The following ERC2 variants were observed in gnomAD, a reference collection of about 807,000 sequenced individuals.
The protein encoded by ERC2 is ELKS/RAB6-interacting/CAST family member 2.
In ERC2, 42 loss-of-function variants were observed where a neutral mutation model predicts 114.8. The ratio of observed to expected loss-of-function variants is 0.37; its 90% confidence interval spans 0.29 to 0.47. ERC2 has a LOEUF of 0.47. ERC2 is among the 20% of genes least tolerant of loss of function. ERC2 has a pLI of 0.99. For missense variants in ERC2, 939 were observed against 1,150.7 expected (o/e 0.82, Z 2.66); for synonymous variants, 454 against 425.5 (o/e 1.07, Z -0.82).
intron 5 of ERC2, among the ~76,000 whole-genome samples, chr3:56,141,436 C>A (rs1341986236): frequency 6.6e-6 from 1 of 152,194 alleles, no homozygotes; most frequent in African/African-American, 2.4e-5. Flanking sequence ...CACCCTGTGA[C>A]CACCATGGTG....
At chr3:55,763,740 C>G (rs550631746) in intron 14 of ERC2, among the ~76,000 whole-genome samples, 5 of 152,112 alleles carry the variant, frequency 3.3e-5, no homozygotes, top group Non-Finnish European at 5.9e-5. Context: ...AAGCCCATTA[C>G]GAAAATTTAA....
At chr3:56,155,173 C>A (rs771519773) in intron 4 of ERC2, among the ~76,000 whole-genome samples, 6 of 152,080 alleles carry the variant, frequency 3.9e-5, no homozygotes, top group African/African-American at 1.4e-4. Flanking sequence ...TTCGCAACAT[C>A]CCCATGGTTT....
chr3:55,532,307 AG>A (rs1337038275), intron 17 of ERC2, among the ~76,000 whole-genome samples: 1 of 152,194 alleles, frequency 6.6e-6, no homozygotes, highest in African/African-American at 2.4e-5. Flanking sequence ...CCAGCTATAT[AG>A]GTCTCTTCCT....
chr3:56,122,970 C>A (rs567787579), intron 6 of ERC2, among the ~76,000 whole-genome samples: 1 of 152,232 alleles, frequency 6.6e-6, no homozygotes, highest in South Asian at 2.1e-4. Flanking sequence ...GTTCAACCAC[C>A]CCAAGAAAAC....
At position 56,096,384 on chromosome 3, in the gene ERC2, T is replaced by C. The variant is rs982775835; in HGVS notation, c.1474-15400A>G. ...CAGGGTGAGTTCTTGTTCTCCATTTTAGAAGGCCCAGAGCCACATGGCTTT... is the reference window on the plus strand; with the variant it reads ...CAGGGTGAGTTCTTGTTCTCCATTTCAGAAGGCCCAGAGCCACATGGCTTT... On this transcript the variant is annotated intron_variant, in intron 6 of 17. Coordinates refer to ENST00000288221, the MANE Select transcript of ERC2 (RefSeq NM_015576.3). Among the ~76,000 whole-genome samples, 6 of 152,154 alleles carry C rather than the reference T, an allele frequency of 3.9e-5. No homozygotes were observed. In the South Asian group the frequency reaches 8.3e-4, roughly 21 times the overall value.
chr3:56,175,645 A>T lies in ERC2; in HGVS notation c.1075-2125T>A, dbSNP rs887560254. ...TGAGTACAGTAGGCTGCTGGAAATT[A>T]AAAAACCTGCACCCCCATGGCCAAT... On this transcript the variant is annotated intron_variant, in intron 3 of 17. Coordinates refer to ENST00000288221, the MANE Select transcript of ERC2 (RefSeq NM_015576.3). Among the ~76,000 whole-genome samples, 6 of 152,118 alleles carry T rather than the reference A, an allele frequency of 3.9e-5. No homozygotes were observed. The East Asian group carries it at 7.7e-4, about 20-fold the overall frequency.
At chr3:56,258,748 A>C (rs2052700707) in intron 3 of ERC2, among the ~76,000 whole-genome samples, 1 of 152,190 alleles carries the variant, frequency 6.6e-6, no homozygotes, top group African/African-American at 2.4e-5. Context: ...GCCAACCCTG[A>C]TATAAACTGG....
intron 13 of ERC2, among the ~76,000 whole-genome samples, chr3:55,948,854 T>C (rs544751540): frequency 1.7e-4 from 26 of 152,302 alleles, no homozygotes; most frequent in African/African-American, 6.3e-4. Context: ...AAACAAATCG[T>C]TTTTAATGTT....
At chr3:55,525,612 G>T (rs1302663562) in intron 17 of ERC2, among the ~76,000 whole-genome samples, 1 of 152,192 alleles carries the variant, frequency 6.6e-6, no homozygotes, top group Non-Finnish European at 1.5e-5. Flanking sequence ...CCAGGCCAAA[G>T]CTGACCCAGT....
At chr3:56,175,343 A>AT (rs1045342017) in intron 3 of ERC2, among the ~76,000 whole-genome samples, 11 of 152,152 alleles carry the variant, frequency 7.2e-5, no homozygotes, top group Non-Finnish European at 1.2e-4. Context: ...CAGTCAGGAT[A>AT]TTTTTTCCCC....
chr3:56,079,044 G>A (rs546943376), intron 7 of ERC2, among the ~76,000 whole-genome samples: 1 of 152,138 alleles, frequency 6.6e-6, no homozygotes, highest in Admixed American at 6.5e-5. Flanking sequence ...ACAGAGACCT[G>A]AAAGAAGCAA....
chr3:55,791,480 G>A (rs1172075264), intron 14 of ERC2, among the ~76,000 whole-genome samples: 1 of 152,064 alleles, frequency 6.6e-6, no homozygotes, highest in Admixed American at 6.6e-5. Flanking sequence ...TTTCCACTTT[G>A]TTTTTGTCCT....
rs112643494 is a variant in ERC2, at chr3:55,808,744, A to T, written c.2565-73826T>A. ...ATATATATATATATATATATATATA[A>T]CGTATAACTAAACATATATATATAT... On this transcript the variant is annotated intron_variant, in intron 14 of 17. Transcript: ENST00000288221. Among the ~76,000 whole-genome samples the T allele has an allele frequency of 9.2e-4, 79 of 85,678 alleles. 1 individual carries two copies. Among genetic ancestry groups the T allele is most frequent in the African/African-American group, 2.0e-3 (40 of 19,966 alleles). The allele number at this position is 85,678 out of a possible 152,430, so 56.2% of individuals were successfully genotyped here. A position where few individuals can be genotyped will look rare whatever the true frequency, so the allele number is the denominator to read the frequency against.
At chr3:56,463,169 A>C (rs1293300794) in intron 1 of ERC2, among the ~76,000 whole-genome samples, 1 of 152,190 alleles carries the variant, frequency 6.6e-6, no homozygotes, top group Non-Finnish European at 1.5e-5. Flanking sequence ...TCAAGGCTGC[A>C]GTGAGCTGAG....
At position 55,952,173 on chromosome 3, in the gene ERC2, ACACACACTCTCTCT is replaced by A. The variant is rs1350093353; in HGVS notation, c.2268-1627_2268-1614del. Among the ~76,000 whole-genome samples, 126 of 56,054 alleles carry A rather than the reference ACACACACTCTCTCT, an allele frequency of 2.2e-3. 1 individual carries two copies. Among genetic ancestry groups the A allele is most frequent in the Admixed American group, 8.8e-3 (46 of 5,240 alleles). 36.8% of individuals were successfully genotyped at this position (56,054 alleles called of 152,430 possible). On this transcript the variant is annotated intron_variant, in intron 12 of 17. Coordinates refer to ENST00000288221, the MANE Select transcript of ERC2 (RefSeq NM_015576.3). ...CACACACACACACACACACACACAC[ACACACACTCTCTCT>A]CTCTCTCTCTCTATATATATATATA...
At chr3:56,452,160 T>G (rs138974921) in intron 1 of ERC2, among the ~76,000 whole-genome samples, 1 of 152,334 alleles carries the variant, frequency 6.6e-6, no homozygotes, top group East Asian at 1.9e-4. Context: ...ACCATGCCCA[T>G]TGACTTTGAA....
At chr3:56,324,239 G>C (rs2057255772) in intron 2 of ERC2, among the ~76,000 whole-genome samples, 1 of 152,146 alleles carries the variant, frequency 6.6e-6, no homozygotes, top group African/African-American at 2.4e-5. Flanking sequence ...GTGACAGAGG[G>C]AGCTGGCTTT....
At chr3:56,360,249 C>A (rs917668187) in intron 2 of ERC2, among the ~76,000 whole-genome samples, 2 of 151,778 alleles carry the variant, frequency 1.3e-5, no homozygotes, top group Non-Finnish European at 1.5e-5. Flanking sequence ...TGGGGTTTCA[C>A]CGTCTTGATC....
chr3:55,692,718 T>C (rs989025036), intron 16 of ERC2, among the ~76,000 whole-genome samples: 2 of 152,198 alleles, frequency 1.3e-5, no homozygotes, highest in African/African-American at 4.8e-5. Flanking sequence ...CTGCAGCCTC[T>C]CTGAAGCAGA....
Sources: allele counts gnomAD v4.1 joint callset (sites outside exome capture counted in the v4.1 genomes callset), GRCh38; gene constraint gnomAD v4.1.1; transcripts MANE v1.5; gene names NCBI Gene and HGNC (gene_info 2026-07-23, HGNC 2026-07-21).